TMPO: variants seen among roughly 807,000 people sequenced by gnomAD.
The protein encoded by TMPO is thymopoietin, also known as LEM domain containing 4.
TMPO carries 22 observed loss-of-function variants against 45.4 expected under a neutral mutation model. That is an observed-to-expected ratio of 0.48 (90% CI 0.35 to 0.69). The LOEUF (loss-of-function observed/expected upper bound fraction) is 0.69, where lower values mean the gene tolerates loss of function less well. TMPO is among the 30% of genes least tolerant of loss of function. The pLI, the probability that TMPO is intolerant of heterozygous loss-of-function variation, is 0.01. For synonymous variants in TMPO, 241 were observed against 204.1 expected, an observed-to-expected ratio of 1.18 and a Z score of -1.54; for missense variants, 512 against 548.8, an observed-to-expected ratio of 0.93 and a Z score of 0.67.
Position 98,518,470 on chromosome 12 carries a change from C to CTTTTTTTTTTT in TMPO, c.279+2338_279+2348dup, listed in dbSNP as rs11437786. On this transcript the variant is annotated intron_variant, in intron 1 of 8. Transcript: ENST00000556029. ...CGCTACACCCGGCTAATTTTCTAAT[C>CTTTTTTTTTTT]TTTTTTTTTTTTTTTTTTTTTTTTG... Among the ~76,000 whole-genome samples the CTTTTTTTTTTT allele has an allele frequency of 5.7e-4, 48 of 83,514 alleles. 6 individuals are homozygous for CTTTTTTTTTTT. The highest frequency in any genetic ancestry group is 9.7e-4 in the Admixed American group (7 of 7,194). 54.8% of individuals were successfully genotyped at this position (83,514 alleles called of 152,430 possible).
chr12:98,520,880 A>G (rs1043117111), intron 1 of TMPO, among the ~76,000 whole-genome samples: 1 of 152,038 alleles, frequency 6.6e-6, no homozygotes, highest in African/African-American at 2.4e-5. Context: ...CCTCCAGGTC[A>G]TATTTCTTAA....
In TMPO at chr12:98,546,423, A is replaced by C; in HGVS notation, c.1055A>C (p.Glu352Ala). 1 of 1,610,216 alleles carries C rather than the reference A, an allele frequency of 6.2e-7. No individual in the cohort carries two copies. The highest frequency in any genetic ancestry group is 1.1e-5 in the South Asian group (1 of 90,978). The stretch of plus-strand genomic sequence containing the variant: ...ATTCTTAAGGAAATGTTCCCCTATG[A>C]AGCATCTACACCAACAGGAATTAGG... ...RDILKEMFPYEASTPTGISAS... is the reference protein window; with the variant it reads ...RDILKEMFPYAASTPTGISAS... Residue 352 changes from glutamate to alanine, a missense_variant, in exon 8 of 9, where the codon GAA becomes GCA. Physicochemically the swap from Glu to Ala is moderately radical, Grantham distance 107. This residue lies in a region of TMPO where 209 missense variants were observed against 235.1 expected (regional missense o/e 0.89). Coordinates refer to ENST00000556029, the MANE Select transcript of TMPO (RefSeq NM_001032283.3).
intron 3 of TMPO, chr12:98,533,712 A>G: frequency 6.2e-7 from 1 of 1,614,222 alleles, no homozygotes; most frequent in East Asian, 2.2e-5. Context: ...ATGATAAAAT[A>G]GATGCCTCAG....
chr12:98,547,246 T>G (rs575230103), intron 8 of TMPO, among the ~76,000 whole-genome samples: 1 of 152,250 alleles, frequency 6.6e-6, no homozygotes, highest in Non-Finnish European at 1.5e-5. Flanking sequence ...CGGCTAATTT[T>G]TGTATTTTTG....
intron 1 of TMPO, 68 bp from the exon 2 acceptor site, chr12:98,527,818 T>C (rs1592939067): frequency 6.3e-7 from 1 of 1,582,462 alleles, no homozygotes; most frequent in South Asian, 1.1e-5. Flanking sequence ...GTTTATGTTA[T>C]ACAGGTTATT....
At chr12:98,535,376 G>C in intron 3 of TMPO, 1 of 985,346 alleles carries the variant, frequency 1.0e-6, no homozygotes, top group Non-Finnish European at 1.2e-6. Flanking sequence ...TGTAAGTTAA[G>C]AGTCTTAACT....
chr12:98,520,823 C>T (rs927774828), intron 1 of TMPO, among the ~76,000 whole-genome samples: 5 of 151,770 alleles, frequency 3.3e-5, no homozygotes, highest in South Asian at 2.1e-4. Flanking sequence ...CTGCCCGCCT[C>T]GGCCTCCCAG....
chr12:98,516,517 G>A, intron 1 of TMPO: 8 of 1,057,318 alleles, frequency 7.6e-6, no homozygotes, highest in Non-Finnish European at 9.1e-6. Flanking sequence ...AAATGCTATA[G>A]GTTAAGTTCG....
At chr12:98,540,054 G>C (rs1046531761) in intron 4 of TMPO, among the ~76,000 whole-genome samples, 1 of 152,100 alleles carries the variant, frequency 6.6e-6, no homozygotes, top group Non-Finnish European at 1.5e-5. Context: ...TTGATTTTTG[G>C]TTGTTTTACT....
chr12:98,531,745 T>C lies in TMPO; in HGVS notation c.472T>C (p.Ser158Pro), dbSNP rs1468885102. The C allele has an allele frequency of 6.2e-7, 1 of 1,613,670 alleles. No individual in the cohort carries two copies. The highest frequency in any genetic ancestry group is 8.5e-7 in the Non-Finnish European group (1 of 1,179,880). ...GAGGGAACAAGGAACAGAATCAAGATCTTCTACTCCTCTGCCAACAATTTC... is the reference window on the plus strand; with the variant it reads ...GAGGGAACAAGGAACAGAATCAAGACCTTCTACTCCTCTGCCAACAATTTC... ...KLREQGTESR[S>P]STPLPTISSS... The change falls in exon 3 of 9, where the codon TCT becomes CCT. Residue 158 changes from serine (S) to proline (P), a missense_variant. Around this residue, in one of 3 missense-constraint regions of TMPO, gnomAD observed 299 missense variants for 296.7 expected, o/e 1.01. Coordinates refer to ENST00000556029, the MANE Select transcript of TMPO (RefSeq NM_001032283.3).
At chr12:98,541,459 T>C (rs1371351731) in intron 4 of TMPO, among the ~76,000 whole-genome samples, 4 of 152,254 alleles carry the variant, frequency 2.6e-5, no homozygotes, top group East Asian at 3.8e-4. Flanking sequence ...TTGTTACTTA[T>C]GTAAGTATCA....
chr12:98,523,841 A>C (rs1314972342), intron 1 of TMPO, among the ~76,000 whole-genome samples: 2 of 151,896 alleles, frequency 1.3e-5, no homozygotes, highest in African/African-American at 4.8e-5. Flanking sequence ...ACACCTGGCT[A>C]ATTTTTGTAT....
intron 1 of TMPO, 130 bp downstream of exon 1, chr12:98,516,276 C>T: frequency 8.0e-7 from 1 of 1,248,084 alleles, no homozygotes; most frequent in Non-Finnish European, 1.0e-6. Flanking sequence ...CCCTGCGCCC[C>T]CTCGCGTCGC....
chr12:98,533,259 A>G lies in TMPO; in HGVS notation c.565+1421A>G, dbSNP rs772426890. On this transcript the variant is annotated intron_variant, in intron 3 of 8. Transcript: ENST00000556029. ...TAGAAAATATTTGCGGTAGAGAGAAAAGTGGAATTCAACCATTATGTCCTG... is the reference window on the plus strand; with the variant it reads ...TAGAAAATATTTGCGGTAGAGAGAAGAGTGGAATTCAACCATTATGTCCTG... The G allele has an allele frequency of 2.7e-5, 43 of 1,613,972 alleles. No individual in the cohort carries two copies. In the East Asian group the frequency reaches 6.9e-4, roughly 26 times the overall value.
intron 3 of TMPO, chr12:98,535,140 A>T (rs1239016225): frequency 3.0e-6 from 3 of 985,032 alleles, no homozygotes; most frequent in African/African-American, 1.7e-5. Flanking sequence ...ATAATAATAG[A>T]TATCCTGGGA....
At chr12:98,521,268 C>G (rs900688803) in intron 1 of TMPO, among the ~76,000 whole-genome samples, 2 of 151,214 alleles carry the variant, frequency 1.3e-5, no homozygotes, top group African/African-American at 4.9e-5. Flanking sequence ...CCTGCCACCA[C>G]CCCCGGCTAA....
intron 1 of TMPO, among the ~76,000 whole-genome samples, chr12:98,518,470 C>CTTTTTTTTTTTTTTTTTTTTTTTTTTTTT: frequency 1.2e-5 from 1 of 83,538 alleles, no homozygotes; most frequent in Non-Finnish European, 2.2e-5. Flanking sequence ...ATTTTCTAAT[C>CTTTTTTTTTTTTTTTTTTTTTTTTTTTTT]TTTTTTTTTT....
At chr12:98,516,665 G>A in intron 1 of TMPO, 1 of 567,842 alleles carries the variant, frequency 1.8e-6, no homozygotes, top group Non-Finnish European at 2.2e-6. Context: ...TTTTGCGTGT[G>A]GAGGGCTTTT....
In TMPO at chr12:98,515,796, G is replaced by A; in HGVS notation, c.-72G>A. 6.4e-7 allele frequency: 1 copy of A among 1,558,606 alleles called. No homozygotes were observed. The highest frequency in any genetic ancestry group is 1.2e-5 in the South Asian group (1 of 85,322). ...CTCGGAGGCGGCAGCGCGGTCCCCG[G>A]CCAGGAGCAAGCGCGCCGGCGTGAG... On this transcript the variant is annotated 5_prime_UTR_variant, in exon 1 of 9. Transcript: ENST00000556029.
Sources: allele counts gnomAD v4.1 joint callset (sites outside exome capture counted in the v4.1 genomes callset), GRCh38; gene constraint gnomAD v4.1.1; regional missense constraint gnomAD v4.1.1; transcripts MANE v1.5; gene names NCBI Gene and HGNC (gene_info 2026-07-23, HGNC 2026-07-21).